Variants in BPIFB3 observed in about 807,000 individuals in gnomAD.
BPIFB3 encodes the protein BPI fold containing family B member 3, also known as BPI fold-containing family B member 3.
A neutral mutation model predicts 53.1 loss-of-function variants in BPIFB3; 49 were observed. The observed-to-expected ratio is 0.92, with a 90% CI of 0.73 to 1.17. The LOEUF is 1.17. Among genes scored for constraint, BPIFB3 ranks in the 50% most tolerant of loss-of-function variants. The pLI is 0.00. For missense variants in BPIFB3, 628 were observed against 592.5 expected (o/e 1.06, Z -0.62); for synonymous variants, 271 against 269.6 (o/e 1.01, Z -0.05).
intron 14 of BPIFB3, 21 bp downstream of exon 15, chr20:33,072,814 C>T (rs371402407): frequency 8.9e-5 from 141 of 1,584,636 alleles, no homozygotes; most frequent in East Asian, 3.6e-4. Context: ...TCTGCAGATA[C>T]GGCCCAGGTG....
At chr20:33,069,090 C>T in intron 10 of BPIFB3, 117 bp downstream of exon 11, 2 of 1,181,774 alleles carry the variant, frequency 1.7e-6, no homozygotes, top group African/African-American at 1.5e-5. Context: ...CCACATAGTC[C>T]AGCACAGGAA....
At chr20:33,068,322 TGAG>T (rs1980747752) in intron 9 of BPIFB3, among the ~76,000 whole-genome samples, 1 of 152,014 alleles carries the variant, frequency 6.6e-6, no homozygotes, top group African/African-American at 2.4e-5. Context: ...AAGGCCTCAG[TGAG>T]GAGGTAACAT....
intron 10 of BPIFB3, 127 bp downstream of exon 11, chr20:33,069,100 A>T (rs1980783056): frequency 9.4e-7 from 1 of 1,058,652 alleles, no homozygotes; most frequent in Non-Finnish European, 1.3e-6. Flanking sequence ...CAGCACAGGA[A>T]GCCCCCCGCC....
At chr20:33,067,460 C>T (rs1266916846) in intron 9 of BPIFB3, among the ~76,000 whole-genome samples, 1 of 152,186 alleles carries the variant, frequency 6.6e-6, no homozygotes, top group Non-Finnish European at 1.5e-5. Context: ...GCCTAGGGGC[C>T]TGGGCTCTCA....
At chr20:33,064,635 C>A in intron 7 of BPIFB3, 31 bp from the exon 9 acceptor site, 1 of 1,612,920 alleles carries the variant, frequency 6.2e-7, no homozygotes, top group South Asian at 1.1e-5. Flanking sequence ...CACCTTAAGA[C>A]CCTCCTCGGC....
exon 2 of BPIFB3, chr20:33,056,648 C>T (rs764473906): frequency 4.3e-6 from 7 of 1,612,096 alleles, no homozygotes; most frequent in East Asian, 4.5e-5. Context: ...TTGGAGGAGG[C>T]GGCTTGCTGG....
chr20:33,072,068 A>G (rs1273794888), intron 12 of BPIFB3, 36 bp from the exon 14 acceptor site: 1 of 1,611,710 alleles, frequency 6.2e-7, no homozygotes, highest in Non-Finnish European at 8.5e-7. Context: ...CACACCCCAG[A>G]GCACCACCCC....
intron 10 of BPIFB3, among the ~76,000 whole-genome samples, chr20:33,069,647 C>A (rs1426224418): frequency 6.6e-6 from 1 of 152,246 alleles, no homozygotes; most frequent in Non-Finnish European, 1.5e-5. Context: ...TCTCCAAGCT[C>A]CTGCAGCCCC....
upstream of BPIFB3, among the ~76,000 whole-genome samples, chr20:33,054,693 G>A (rs568002489): frequency 2.9e-4 from 44 of 152,288 alleles, no homozygotes; most frequent in Admixed American, 5.2e-4. Context: ...CCAGGGCAGC[G>A]GGGAGCCACT....
exon 10 of BPIFB3, chr20:33,068,926 T>C (rs1467350319): frequency 6.2e-7 from 1 of 1,613,840 alleles, no homozygotes; most frequent in Admixed American, 1.7e-5. Context: ...CCATGTGCTG[T>C]TCTATGTCCC....
At chr20:33,072,823 T>G in intron 14 of BPIFB3, 30 bp downstream of exon 15, 1 of 1,567,270 alleles carries the variant, frequency 6.4e-7, no homozygotes, top group Non-Finnish European at 8.8e-7. Flanking sequence ...ACGGCCCAGG[T>G]GGGCCTTAAG....
chr20:33,055,648 G>C, intron 1 of BPIFB3, 101 bp downstream of exon 2: 1 of 1,534,050 alleles, frequency 6.5e-7, no homozygotes, highest in East Asian at 2.3e-5. Context: ...AGAGCAGGTT[G>C]TGATTCTCAG....
intron 4 of BPIFB3, among the ~76,000 whole-genome samples, chr20:33,060,757 G>C (rs1396675896): frequency 6.6e-6 from 1 of 152,080 alleles, no homozygotes; most frequent in African/African-American, 2.4e-5. Context: ...TAGAGACGGG[G>C]TTTCACCATG....
At chr20:33,054,099 G>A (rs1215091268), upstream of BPIFB3, among the ~76,000 whole-genome samples, 2 of 152,136 alleles carry the variant, frequency 1.3e-5, no homozygotes, top group East Asian at 3.9e-4. Context: ...CCAAGAGGGT[G>A]GATGAAGAGA....
At chr20:33,060,097 T>A (rs759205044) in intron 4 of BPIFB3, 66 bp downstream of exon 5, 11 of 1,563,700 alleles carry the variant, frequency 7.0e-6, no homozygotes, top group Non-Finnish European at 8.7e-6. Flanking sequence ...CATCTGGGCA[T>A]CTCCCAGGTC....
chr20:33,073,675 C>T, downstream of BPIFB3: 2 of 1,563,550 alleles, frequency 1.3e-6, no homozygotes, highest in Non-Finnish European at 1.8e-6. Context: ...CCTCAATTTC[C>T]CTCCCAGTCT....
At chr20:33,055,110 G>A (rs180987557), upstream of BPIFB3, among the ~76,000 whole-genome samples, 10 of 152,356 alleles carry the variant, frequency 6.6e-5, no homozygotes, top group African/African-American at 2.4e-4. Context: ...AATTCTGACT[G>A]TCTCTGATTA....
exon 9 of BPIFB3, chr20:33,066,832 C>A: frequency 1.2e-6 from 2 of 1,614,160 alleles, no homozygotes; most frequent in Non-Finnish European, 1.7e-6. Flanking sequence ...AGGTTCCCAG[C>A]GATGTCCCAC....
chr20:33,057,258 G>A (rs894374922), intron 2 of BPIFB3, among the ~76,000 whole-genome samples: 2 of 151,976 alleles, frequency 1.3e-5, no homozygotes, highest in African/African-American at 2.4e-5. Context: ...GCATGATCTC[G>A]GCTCACTGCA....
Sources: allele counts gnomAD v4.1 joint callset (sites outside exome capture counted in the v4.1 genomes callset), GRCh38; gene constraint gnomAD v4.1.1; transcripts MANE v1.5; gene names NCBI Gene and HGNC (gene_info 2026-07-23, HGNC 2026-07-21).